Variants in CAPN8 observed in about 807,000 individuals in gnomAD.
CAPN8 encodes calpain-8.
In CAPN8, 87 loss-of-function variants were observed where a neutral mutation model predicts 80.9. That is an observed-to-expected ratio of 1.07 (90% CI 0.90 to 1.28). The LOEUF (loss-of-function observed/expected upper bound fraction) is 1.28. Among genes scored for constraint, CAPN8 ranks in the 50% most tolerant of loss-of-function variants. The probability of loss-of-function intolerance (pLI) is 0.00; values close to 1 mark genes in which losing one functional copy is unlikely to be tolerated. For synonymous variants in CAPN8, 299 were observed against 273.8 expected (o/e 1.09, Z -0.91); for missense variants, 757 against 702.0 (o/e 1.08, Z -0.89).
At chr1:223,622,692 T>C (rs1337315190) in intron 7 of CAPN8, 123 bp downstream of exon 7, 1 of 763,900 alleles carries the variant, frequency 1.3e-6, no homozygotes. Flanking sequence ...GAACACACTG[T>C]GTGATCTGCA....
At chr1:223,651,353 C>T (rs1468545276) in intron 2 of CAPN8, among the ~76,000 whole-genome samples, 1 of 152,118 alleles carries the variant, frequency 6.6e-6, no homozygotes, top group Non-Finnish European at 1.5e-5. Flanking sequence ...GACTGAGCTG[C>T]CCAAAGAAAA....
chr1:223,541,809 A>G lies in CAPN8; in HGVS notation c.*27T>C, dbSNP rs1224027487. ...ACAAGAAGCAAGCAGTGGGGCAGGG[A>G]GTGTCACTGATGTCCGAAACCCCGG... On this transcript the variant is annotated 3_prime_UTR_variant, in exon 21 of 21. Transcript: ENST00000366872. 4 of 1,551,498 alleles carry G rather than the reference A, an allele frequency of 2.6e-6. No homozygotes were observed. In the Admixed American group the frequency reaches 5.9e-5, roughly 23 times the overall value.
chr1:223,633,522 C>T (rs772998797), intron 2 of CAPN8, among the ~76,000 whole-genome samples: 28 of 152,012 alleles, frequency 1.8e-4, no homozygotes, highest in African/African-American at 5.6e-4. Context: ...ATTAGCCAGG[C>T]GTGGTGGCAG....
At chr1:223,638,565 G>A (rs912038737) in intron 2 of CAPN8, among the ~76,000 whole-genome samples, 5 of 152,222 alleles carry the variant, frequency 3.3e-5, no homozygotes, top group African/African-American at 1.2e-4. Context: ...ATAAGCAACT[G>A]CTTCTTTGCT....
intron 2 of CAPN8, among the ~76,000 whole-genome samples, chr1:223,629,777 C>T (rs1657721023): frequency 6.6e-6 from 1 of 152,248 alleles, no homozygotes; most frequent in Non-Finnish European, 1.5e-5. Flanking sequence ...GGTACTGCTT[C>T]TTTCCACCTT....
intron 7 of CAPN8, 82 bp downstream of exon 7, chr1:223,622,733 A>T (rs1251215053): frequency 9.5e-7 from 1 of 1,055,970 alleles, no homozygotes; most frequent in Non-Finnish European, 1.4e-6. Flanking sequence ...TCACTGTGAC[A>T]TCGATCTCAT....
chr1:223,546,138 A>G (rs545126584), intron 16 of CAPN8, among the ~76,000 whole-genome samples: 1 of 151,708 alleles, frequency 6.6e-6, no homozygotes, highest in Admixed American at 6.6e-5. Flanking sequence ...GTCAATAGGG[A>G]TTTAGTTTTG....
At chr1:223,542,102 G>A (rs1329806883) in intron 20 of CAPN8, among the ~76,000 whole-genome samples, 1 of 151,832 alleles carries the variant, frequency 6.6e-6, no homozygotes, top group Non-Finnish European at 1.5e-5. Context: ...ATAGGTATGT[G>A]CATGTATATT....
Position 223,665,629 on chromosome 1 carries a change from A to G in CAPN8, c.18T>C (p.Ala6=). 6.4e-7 allele frequency: 1 copy of G among 1,551,442 alleles called. No individual in the cohort carries two copies. Among genetic ancestry groups the G allele is most frequent in the Non-Finnish European group, 8.7e-7 (1 of 1,146,988 alleles). MAAQA[A]GVSRQRAATQ... ...TGGCTGCCCGCTGCCTAGATACACC[A>G]GCTGCCTGGGCTGCCATGGCCGTGG... Residue 6 remains alanine (A), a synonymous_variant, in exon 1 of 21, where the codon GCT becomes GCC. Coordinates refer to ENST00000366872, the MANE Select transcript of CAPN8 (RefSeq NM_001143962.2).
At position 223,628,643 on chromosome 1, in the gene CAPN8, C is replaced by T. The variant is rs1321389737; in HGVS notation, c.426+19G>A. Reference sequence around the variant, plus strand: ...GAATACGGAAAACAGCAACAAAGGGCCAGAGCAGAGCACAGTACCTGAAAG... The same window carrying T: ...GAATACGGAAAACAGCAACAAAGGGTCAGAGCAGAGCACAGTACCTGAAAG... On this transcript the variant is annotated intron_variant, in intron 3 of 20. Coordinates refer to ENST00000366872, the MANE Select transcript of CAPN8 (RefSeq NM_001143962.2). 16 of 1,533,694 alleles carry T rather than the reference C, an allele frequency of 1.0e-5. No homozygotes were observed. The highest frequency in any genetic ancestry group is 1.4e-5 in the Non-Finnish European group (16 of 1,130,934).
chr1:223,621,508 G>T (rs1404568961), intron 7 of CAPN8, among the ~76,000 whole-genome samples: 2 of 152,108 alleles, frequency 1.3e-5, no homozygotes, highest in Non-Finnish European at 2.9e-5. Flanking sequence ...CCACATTCAG[G>T]GTTTCAATTT....
chr1:223,546,838 C>T (rs1656634477), intron 16 of CAPN8, among the ~76,000 whole-genome samples: 1 of 152,138 alleles, frequency 6.6e-6, no homozygotes. Context: ...GAGACCACAC[C>T]TATGGAATCA....
Position 223,665,563 on chromosome 1 carries a change from C to A in CAPN8, c.84G>T (p.Leu28Phe). 1.3e-6 allele frequency: 2 copies of A among 1,551,664 alleles called. No individual in the cohort carries two copies. Among genetic ancestry groups the A allele is most frequent in the Non-Finnish European group, 1.7e-6 (2 of 1,146,994 alleles). ...GCCTCAGGGTCTTGAAATCCTGGCC[C>A]AAGTACTTCAAAGCGTTTTGGTTGG... is the stretch of plus-strand genomic sequence containing the variant. ...LGSNQNALKY[L>F]GQDFKTLRQQ... is the part of the protein sequence containing the mutation. The change falls in exon 1 of 21, where the codon TTG becomes TTT. Residue 28 changes from leucine to phenylalanine, a missense_variant. By Grantham distance (22) the Leu-to-Phe change is conservative. Transcript: ENST00000366872.
intron 17 of CAPN8, 148 bp downstream of exon 17, chr1:223,545,083 T>C: frequency 1.4e-6 from 2 of 1,427,384 alleles, no homozygotes; most frequent in African/African-American, 1.4e-5. Context: ...AGTCTCTCAT[T>C]GCCTTCTTGT....
intron 1 of CAPN8, among the ~76,000 whole-genome samples, chr1:223,663,223 G>A (rs1658697749): frequency 6.6e-6 from 1 of 152,180 alleles, no homozygotes. Context: ...ATAGTTTGGG[G>A]AAGAACAGGC....
chr1:223,543,252 C>T, intron 19 of CAPN8, 86 bp from the exon 20 acceptor site: 3 of 1,457,112 alleles, frequency 2.1e-6, no homozygotes, highest in East Asian at 2.5e-5. Flanking sequence ...TCTACCCCAT[C>T]CCCACCTGCG....
intron 19 of CAPN8, among the ~76,000 whole-genome samples, chr1:223,543,384 C>G (rs1656527361): frequency 6.6e-6 from 1 of 150,728 alleles, no homozygotes; most frequent in Admixed American, 6.6e-5. Flanking sequence ...CCTGCCGAAA[C>G]AGACAAACCC....
chr1:223,555,070 C>T (rs1250866499), intron 13 of CAPN8, among the ~76,000 whole-genome samples: 3 of 152,224 alleles, frequency 2.0e-5, no homozygotes, highest in Non-Finnish European at 4.4e-5. Flanking sequence ...TGATGCTGTA[C>T]TCATAAAGAT....
chr1:223,631,065 T>C (rs1558348678), intron 2 of CAPN8, among the ~76,000 whole-genome samples: 1 of 152,146 alleles, frequency 6.6e-6, no homozygotes, highest in African/African-American at 2.4e-5. Context: ...CCAGTCTTTT[T>C]CCTATTACAC....
Sources: gnomAD v4.1 joint callset for allele counts (sites outside exome capture counted in the v4.1 genomes callset) on GRCh38, gnomAD v4.1.1 for gene constraint, MANE v1.5 for transcripts, NCBI Gene and HGNC (gene_info 2026-07-23, HGNC 2026-07-21) for gene names.